The following HIPK1 variants were observed in gnomAD, a reference collection of about 807,000 sequenced individuals.
The protein encoded by HIPK1 is homeodomain-interacting protein kinase 1.
Under a neutral mutation model 117.1 loss-of-function variants are expected in HIPK1, and 28 were observed. The ratio of observed to expected loss-of-function variants is 0.24; its 90% CI spans 0.18 to 0.33. The LOEUF (loss-of-function observed/expected upper bound fraction) is 0.33, where lower values mean the gene tolerates loss of function less well. Among genes scored for constraint, HIPK1 ranks in the 10% least tolerant of loss-of-function variants. The pLI is 1.00. For missense variants in HIPK1, 1,122 were observed against 1,475.1 expected (o/e 0.76, Z 3.92); for synonymous variants, 605 against 562.5 (o/e 1.08, Z -1.07).
intron 2 of HIPK1, among the ~76,000 whole-genome samples, chr1:113,952,095 C>G (rs1331859345): frequency 6.6e-6 from 1 of 151,782 alleles, no homozygotes; most frequent in Non-Finnish European, 1.5e-5. Context: ...CCCACCACCA[C>G]ACCTGACTCA....
At chr1:113,948,306 C>A (rs1004799195) in intron 2 of HIPK1, among the ~76,000 whole-genome samples, 1 of 152,146 alleles carries the variant, frequency 6.6e-6, no homozygotes, top group Non-Finnish European at 1.5e-5. Flanking sequence ...GGCTGGAGTG[C>A]AGTGGCGCAA....
intron 1 of HIPK1, among the ~76,000 whole-genome samples, chr1:113,932,569 G>C (rs1553264998): frequency 6.6e-6 from 1 of 151,872 alleles, no homozygotes; most frequent in South Asian, 2.1e-4. Flanking sequence ...AGTAGAGATA[G>C]GGTTTTGCCA....
chr1:113,972,999 C>T, intron 15 of HIPK1, 25 bp from the exon 16 acceptor site: 3 of 1,513,190 alleles, frequency 2.0e-6, no homozygotes, highest in Non-Finnish European at 2.7e-6. Context: ...CTCAGGATTC[C>T]TCACTTCTTC....
At position 113,977,672 on chromosome 1, in the gene HIPK1, A is replaced by G. The variant is rs1362547438; in HGVS notation, c.*4160A>G. On this transcript the variant is annotated 3_prime_UTR_variant, in exon 16 of 16. Coordinates refer to ENST00000426820, the MANE Select transcript of HIPK1 (RefSeq NM_198268.3). ...GGGAAAAGGGTCCATTGTGTAAAACATAGTTTATCTTTGGATTCAATGTTT... is the reference window on the plus strand; with the variant it reads ...GGGAAAAGGGTCCATTGTGTAAAACGTAGTTTATCTTTGGATTCAATGTTT... The G allele has an allele frequency of 6.5e-6, 1 of 152,700 alleles. No individual in the cohort carries two copies. The highest frequency in any genetic ancestry group is 2.4e-5 in the African/African-American group (1 of 41,476). 9.5% of individuals were successfully genotyped at this position (152,700 alleles called of 1,614,324 possible).
chr1:113,944,467 A>C (rs561178099), intron 2 of HIPK1, among the ~76,000 whole-genome samples: 2 of 149,470 alleles, frequency 1.3e-5, no homozygotes, highest in East Asian at 4.0e-4. Flanking sequence ...CCTGGCCAAT[A>C]ATAGTTTTTT....
chr1:113,955,404 C>T (rs763039259), intron 4 of HIPK1, among the ~76,000 whole-genome samples, 159 bp from the exon 5 acceptor site: 5 of 152,222 alleles, frequency 3.3e-5, no homozygotes, highest in Non-Finnish European at 7.3e-5. Context: ...GGTCACATCT[C>T]TCCACTGGAA....
At position 113,971,914 on chromosome 1, in the gene HIPK1, G is replaced by A. The variant is rs147397910; in HGVS notation, c.3104G>A (p.Arg1035His). ...CITPTGYRAQRGGTSAAQPLN... is the reference protein window; with the variant it reads ...CITPTGYRAQHGGTSAAQPLN... ...ACCCCCACAGGGTATCGAGCTCAAC[G>A]CGGGGGGACCAGTGCAGCACAACCA... The change falls in exon 15 of 16, where the codon CGC (arginine) becomes CAC (histidine). Residue 1035 changes from arginine to histidine, a missense_variant. This residue lies in a region of HIPK1 where 731 missense variants were observed against 860.4 expected (regional missense o/e 0.85). Transcript: ENST00000426820. 6.3e-5 allele frequency: 102 copies of A among 1,608,020 alleles called. No individual in the cohort carries two copies. The African/African-American group carries it at 9.5e-4, about 15-fold the overall frequency.
chr1:113,973,601 C>A lies in HIPK1; in HGVS notation c.*89C>A, dbSNP rs1178389972. On this transcript the variant is annotated 3_prime_UTR_variant, in exon 16 of 16. Transcript: ENST00000426820. ...GGCTATGGAGAGATCCTCCTTTACC[C>A]TCTTGAAATTTCTTAGCCAGCAACT... The A allele has an allele frequency of 6.9e-7, 1 of 1,444,538 alleles. No individual in the cohort carries two copies. Among genetic ancestry groups the A allele is most frequent in the Non-Finnish European group, 9.2e-7 (1 of 1,085,660 alleles). 89.5% of individuals were successfully genotyped at this position (1,444,538 alleles called of 1,614,324 possible).
rs562602954 is a variant in HIPK1 at position 113,970,796 on chromosome 1, TTC to T, written c.3013+606_3013+607del. Among the ~76,000 whole-genome samples, 127 of 152,326 alleles carry T rather than the reference TTC, an allele frequency of 8.3e-4. 1 individual carries two copies. Among genetic ancestry groups the T allele is most frequent in the African/African-American group, 3.0e-3 (123 of 41,570 alleles). ...GTAGCATAACATAGTAGAATTTTAC[TTC>T]TCTCTCATATAATTTCTTGGTACAA... is the stretch of plus-strand genomic sequence containing the variant. On this transcript the variant is annotated intron_variant, in intron 14 of 15. Coordinates refer to ENST00000426820, the MANE Select transcript of HIPK1 (RefSeq NM_198268.3).
chr1:113,953,075 G>T (rs1388431166), intron 3 of HIPK1, among the ~76,000 whole-genome samples, 186 bp downstream of exon 3: 1 of 152,018 alleles, frequency 6.6e-6, no homozygotes, highest in Non-Finnish European at 1.5e-5. Context: ...GCTAAAGTAT[G>T]TTTGCAATTC....
chr1:113,944,713 C>T (rs1475070261), intron 2 of HIPK1, among the ~76,000 whole-genome samples: 3 of 151,908 alleles, frequency 2.0e-5, no homozygotes, highest in Non-Finnish European at 2.9e-5. Flanking sequence ...CTCTTGACCT[C>T]GTGATGAAGT....
At position 113,973,308 on chromosome 1, in the gene HIPK1, A is replaced by C. The variant is rs1237278069; in HGVS notation, c.3429A>C (p.Ala1143=). 1 of 1,614,128 alleles carries C rather than the reference A, an allele frequency of 6.2e-7. No homozygotes were observed. The highest frequency in any genetic ancestry group is 1.3e-5 in the African/African-American group (1 of 75,030). The change falls in exon 16 of 16, where the codon GCA becomes GCC. Residue 1143 remains alanine (A), a synonymous_variant. Coordinates refer to ENST00000426820, the MANE Select transcript of HIPK1 (RefSeq NM_198268.3). ...CACAGGGTTCCTCAAGGCATGCTGC[A>C]GCCTATACCACTCACCCTAGCACTT... ...FSPQGSSRHA[A]AYTTHPSTLV...
At position 113,971,807 on chromosome 1, in the gene HIPK1, G is replaced by A. The variant is rs2101507612; in HGVS notation, c.3014-17G>A. The A allele has an allele frequency of 1.3e-6, 2 of 1,590,414 alleles. No homozygotes were observed. Among genetic ancestry groups the A allele is most frequent in the East Asian group, 2.2e-5 (1 of 44,658 alleles). On this transcript the variant is annotated splice_polypyrimidine_tract_variant and intron_variant, in intron 14 of 15. Transcript: ENST00000426820. ...AGTGATGTCTACTCATAACTATTAA[G>A]CCTGGTGCTTTTTTAGGTCTCCTGA...
chr1:113,941,590 C>G lies in HIPK1; in HGVS notation c.1076+131C>G. On this transcript the variant is annotated intron_variant, in intron 2 of 15. Coordinates refer to ENST00000426820, the MANE Select transcript of HIPK1 (RefSeq NM_198268.3). The surrounding 1 kb of genome is among the most constrained non-coding windows in gnomAD (Gnocchi z 4.9). ...GAGATAGAAATAGGATATGTTTTAG[C>G]TCATTCTATGTGTGTGGCATTCCTA... is the stretch of plus-strand genomic sequence containing the variant. 1.4e-6 allele frequency: 1 copy of G among 723,350 alleles called. No homozygotes were observed. Among genetic ancestry groups the G allele is most frequent in the Non-Finnish European group, 2.3e-6 (1 of 439,918 alleles). The allele number at this position is 723,350 out of a possible 1,614,324, so 44.8% of individuals were successfully genotyped here.
chr1:113,969,111 A>C (rs964319100), intron 13 of HIPK1, among the ~76,000 whole-genome samples: 1 of 152,200 alleles, frequency 6.6e-6, no homozygotes, highest in East Asian at 1.9e-4. Flanking sequence ...CATACGGAAG[A>C]GGGAATGACC....
chr1:113,940,321 T>G, intron 1 of HIPK1, 61 bp from the exon 2 acceptor site: 2 of 1,418,926 alleles, frequency 1.4e-6, no homozygotes, highest in South Asian at 1.4e-5. Context: ...TTTGTGTGTT[T>G]TAAATCTAAG....
In HIPK1 at chr1:113,968,720, G is replaced by A. The variant is rs1208509273; in HGVS notation, c.2771+72G>A. 18 of 1,303,184 alleles carry A rather than the reference G, an allele frequency of 1.4e-5. No individual in the cohort carries two copies. The East Asian group carries it at 2.3e-4, about 17-fold the overall frequency. 80.7% of individuals were successfully genotyped at this position (1,303,184 alleles called of 1,614,324 possible). On this transcript the variant is annotated intron_variant, in intron 13 of 15. Transcript: ENST00000426820. ...GCCTCAGGCAAGTGGGCCCAGTTTG[G>A]CCTGTGAAAGAAAGGACCGGTGGGG... is the stretch of plus-strand genomic sequence containing the variant.
chr1:113,961,219 A>C (rs1474744338), intron 8 of HIPK1, among the ~76,000 whole-genome samples: 1 of 152,268 alleles, frequency 6.6e-6, no homozygotes, highest in African/African-American at 2.4e-5. Context: ...TTCTAAGAGC[A>C]TAATGAATAA....
chr1:113,931,762 C>G (rs1193907456), intron 1 of HIPK1, among the ~76,000 whole-genome samples: 1 of 152,162 alleles, frequency 6.6e-6, no homozygotes, highest in Non-Finnish European at 1.5e-5. Flanking sequence ...ATCAGTGAGT[C>G]ATACCGGCCT....
Sources: gnomAD v4.1 joint callset for allele counts (sites outside exome capture counted in the v4.1 genomes callset) on GRCh38, gnomAD v4.1.1 for gene constraint, gnomAD v4.1.1 regional missense constraint, Gnocchi (gnomAD v3.1) non-coding constraint, MANE v1.5 for transcripts, NCBI Gene and HGNC (gene_info 2026-07-23, HGNC 2026-07-21) for gene names.